Variants in CDH13 observed in about 807,000 individuals in gnomAD.
CDH13 encodes cadherin 13.
CDH13 carries 24 observed loss-of-function variants against 63.8 expected under a neutral mutation model. The observed-to-expected ratio is 0.38, with a 90% CI of 0.27 to 0.53. The LOEUF (loss-of-function observed/expected upper bound fraction) is 0.53. CDH13 is among the 20% of genes least tolerant of loss of function. The probability of loss-of-function intolerance (pLI) is 0.85; values close to 1 mark genes in which losing one functional copy is unlikely to be tolerated. For missense variants in CDH13, 1,049 were observed against 903.1 expected (o/e 1.16, Z -2.07); for synonymous variants, 503 against 355.3 (o/e 1.42, Z -4.67).
chr16:83,165,874 C>T (rs2037642193), intron 4 of CDH13, among the ~76,000 whole-genome samples: 1 of 152,092 alleles, frequency 6.6e-6, no homozygotes, highest in African/African-American at 2.4e-5. Context: ...TGAAAGGCTT[C>T]AGCACAATCG....
chr16:83,645,875 A>G (rs569222987), intron 8 of CDH13, among the ~76,000 whole-genome samples: 2 of 152,304 alleles, frequency 1.3e-5, no homozygotes, highest in Admixed American at 1.3e-4. Context: ...TTCATCATAC[A>G]CAAGAAAAAG....
At chr16:82,802,318 G>A (rs1244120289) in intron 1 of CDH13, among the ~76,000 whole-genome samples, 1 of 152,158 alleles carries the variant, frequency 6.6e-6, no homozygotes, top group African/African-American at 2.4e-5. Context: ...CCCACAACCA[G>A]CATTACAGAT....
At chr16:83,487,695 G>T (rs752591778) in intron 7 of CDH13, among the ~76,000 whole-genome samples, 16 of 151,344 alleles carry the variant, frequency 1.1e-4, no homozygotes, top group Non-Finnish European at 2.2e-4. Flanking sequence ...TCCCACAGGC[G>T]TGGGGCCTTG....
At chr16:83,336,312 A>AAAAAAAAAG (rs1555531894) in intron 5 of CDH13, among the ~76,000 whole-genome samples, 2 of 143,820 alleles carry the variant, frequency 1.4e-5, no homozygotes, top group Non-Finnish European at 1.5e-5. Context: ...AAAAAAAAAA[A>AAAAAAAAAG]AAAAAAGAAA....
chr16:83,261,830 A>C (rs1195417382), intron 5 of CDH13, among the ~76,000 whole-genome samples: 1 of 152,042 alleles, frequency 6.6e-6, no homozygotes, highest in African/African-American at 2.4e-5. Context: ...TGTACCTCTC[A>C]ATACTGGTCT....
At chr16:83,000,264 T>TTTTTTTTTG (rs1912748830) in intron 2 of CDH13, among the ~76,000 whole-genome samples, 1 of 107,114 alleles carries the variant, frequency 9.3e-6, no homozygotes, top group Non-Finnish European at 1.9e-5. Context: ...TTTTTTTTTT[T>TTTTTTTTTG]GAGACAGAGT....
intron 8 of CDH13, among the ~76,000 whole-genome samples, chr16:83,618,451 A>G (rs1909496674): frequency 6.6e-6 from 1 of 151,938 alleles, no homozygotes; most frequent in Non-Finnish European, 1.5e-5. Flanking sequence ...GAAAAGCACT[A>G]GGAAGGCATC....
At chr16:83,615,387 A>G (rs1389747650) in intron 8 of CDH13, among the ~76,000 whole-genome samples, 2 of 152,180 alleles carry the variant, frequency 1.3e-5, no homozygotes, top group African/African-American at 4.8e-5. Flanking sequence ...ACTTTTCTGG[A>G]GGGTGGAGTC....
intron 10 of CDH13, among the ~76,000 whole-genome samples, chr16:83,705,829 G>T (rs1296427459): frequency 6.6e-6 from 1 of 152,126 alleles, no homozygotes; most frequent in Non-Finnish European, 1.5e-5. Flanking sequence ...GATCCCCAGG[G>T]TTCCTTCAAG....
intron 2 of CDH13, among the ~76,000 whole-genome samples, chr16:83,019,257 T>C (rs533023766): frequency 1.3e-5 from 2 of 152,266 alleles, no homozygotes; most frequent in South Asian, 4.1e-4. Context: ...ATGTTTTCTC[T>C]TTTTCTTTTT....
chr16:82,845,493 G>A (rs1597783779), intron 1 of CDH13, among the ~76,000 whole-genome samples: 1 of 152,318 alleles, frequency 6.6e-6, no homozygotes, highest in East Asian at 1.9e-4. Context: ...GGTATTGGCT[G>A]CAGCCACCAG....
At chr16:83,152,746 C>G (rs2037038501) in intron 4 of CDH13, among the ~76,000 whole-genome samples, 1 of 152,198 alleles carries the variant, frequency 6.6e-6, no homozygotes, top group Admixed American at 6.5e-5. Flanking sequence ...TGTTGAAGTC[C>G]TAACCTCTGG....
chr16:83,770,871 A>G (rs1200142464), intron 11 of CDH13, among the ~76,000 whole-genome samples: 1 of 152,010 alleles, frequency 6.6e-6, no homozygotes, highest in Non-Finnish European at 1.5e-5. Context: ...CTGACCTCCT[A>G]TCTCATCCTG....
At chr16:82,671,285 T>C (rs1030591861) in intron 1 of CDH13, among the ~76,000 whole-genome samples, 6 of 152,220 alleles carry the variant, frequency 3.9e-5, no homozygotes, top group Non-Finnish European at 7.3e-5. Flanking sequence ...TTTGGTGTGG[T>C]CTTCCTTTGT....
intron 10 of CDH13, among the ~76,000 whole-genome samples, chr16:83,723,807 T>A (rs969264429): frequency 1.3e-5 from 2 of 152,178 alleles, no homozygotes; most frequent in Non-Finnish European, 2.9e-5. Context: ...TGACATATAA[T>A]AGCTACACAA....
chr16:83,316,622 A>G (rs1394421315), intron 5 of CDH13, among the ~76,000 whole-genome samples: 1 of 152,102 alleles, frequency 6.6e-6, no homozygotes, highest in Non-Finnish European at 1.5e-5. Context: ...ATGCTGCAGG[A>G]GAGAGGTGAG....
chr16:83,446,314 A>AC (rs1319493891), intron 6 of CDH13, among the ~76,000 whole-genome samples: 40 of 151,790 alleles, frequency 2.6e-4, no homozygotes, highest in African/African-American at 9.4e-4. Flanking sequence ...AAAAAAAAAA[A>AC]AAGAAAGAAA....
chr16:83,344,882 T>C lies in CDH13; in HGVS notation c.657T>C (p.Asp219=), dbSNP rs145120824. Residue 219 remains aspartate (D), a synonymous_variant, in exon 6 of 14, where the codon GAT becomes GAC. Coordinates refer to ENST00000567109, the MANE Select transcript of CDH13 (RefSeq NM_001257.5). ...AVYQLFVETT[D]VNGKTLEGPV... ...AATAGCTATTTGTGGAGACCACTGATGTCAATGGCAAAACTCTCGAGGGGC... is the reference window on the plus strand; with the variant it reads ...AATAGCTATTTGTGGAGACCACTGACGTCAATGGCAAAACTCTCGAGGGGC... 6.6e-4 allele frequency: 1,072 copies of C among 1,613,942 alleles called. 7 individuals carry two copies. The African/African-American group carries it at 0.012, about 19-fold the overall frequency.
chr16:82,847,830 G>C (rs1449531478), intron 1 of CDH13, among the ~76,000 whole-genome samples: 1 of 151,634 alleles, frequency 6.6e-6, no homozygotes, highest in Admixed American at 6.6e-5. Flanking sequence ...CCAGAATTTG[G>C]ACTTAGGTTA....
Sources: gnomAD v4.1 joint callset for allele counts (sites outside exome capture counted in the v4.1 genomes callset) on GRCh38, gnomAD v4.1.1 for gene constraint, MANE v1.5 for transcripts, NCBI Gene and HGNC (gene_info 2026-07-23, HGNC 2026-07-21) for gene names.